Variants in CNTNAP3 observed in about 807,000 individuals in gnomAD.
CNTNAP3 encodes the protein contactin-associated protein-like 3.
In CNTNAP3, 36 loss-of-function variants were observed where a neutral mutation model predicts 92.1. The ratio of observed to expected loss-of-function variants is 0.39; its 90% CI spans 0.30 to 0.52. The LOEUF is 0.52. Ranked by LOEUF, CNTNAP3 falls within the 20% of genes least tolerant of loss-of-function variation. CNTNAP3 has a pLI of 0.76. For synonymous variants in CNTNAP3, 232 were observed against 422.3 expected (o/e 0.55, Z 5.53); for missense variants, 534 against 1,069.6 (o/e 0.50, Z 6.98).
intron 11 of CNTNAP3, among the ~76,000 whole-genome samples, chr9:39,141,013 C>T (rs1424375223): frequency 6.6e-6 from 1 of 152,112 alleles, no homozygotes; most frequent in Non-Finnish European, 1.5e-5. Context: ...AATCTTTTGG[C>T]AATGTCTAGA....
intron 13 of CNTNAP3, among the ~76,000 whole-genome samples, chr9:39,131,211 CTG>C (rs1255265260): frequency 6.6e-6 from 1 of 151,662 alleles, no homozygotes; most frequent in Non-Finnish European, 1.5e-5. Flanking sequence ...CTTTAAAAAA[CTG>C]GAGAACTGGG....
intron 12 of CNTNAP3, among the ~76,000 whole-genome samples, chr9:39,138,293 C>T (rs1273839313): frequency 6.6e-6 from 1 of 152,042 alleles, no homozygotes; most frequent in Non-Finnish European, 1.5e-5. Context: ...GTTCTATAGC[C>T]CTGTGATTAG....
chr9:39,104,515 C>T (rs1467269391), intron 15 of CNTNAP3, among the ~76,000 whole-genome samples: 1 of 149,508 alleles, frequency 6.7e-6, no homozygotes, highest in African/African-American at 2.5e-5. Flanking sequence ...CACACACACA[C>T]ACACACTGTC....
rs578120131 is a variant in CNTNAP3, at chr9:39,119,901, T to C, written c.2081-1642A>G. ...CAGAATCACTGAACTTGAGGACCCA[T>C]CAATAGGCTTTATCTAACCTGACCA... is the stretch of plus-strand genomic sequence containing the variant. On this transcript the variant is annotated intron_variant, in intron 13 of 23. Transcript: ENST00000297668. 2.2e-4 allele frequency among the ~76,000 whole-genome samples: 33 copies of C among 152,170 alleles called. 1 individual carries two copies. The South Asian group carries it at 6.9e-3, about 32-fold the overall frequency.
chr9:39,137,804 G>A (rs1323013186), intron 12 of CNTNAP3, among the ~76,000 whole-genome samples: 22 of 152,056 alleles, frequency 1.4e-4, no homozygotes, highest in Admixed American at 1.4e-3. Context: ...GTGAGCCACC[G>A]TCTGTTTTTA....
intron 11 of CNTNAP3, among the ~76,000 whole-genome samples, chr9:39,141,309 G>C (rs1284650939): frequency 6.6e-6 from 1 of 152,096 alleles, no homozygotes; most frequent in African/African-American, 2.4e-5. Context: ...ATTCTGTAAA[G>C]TTTTTCTTAA....
rs767731653 is a variant in CNTNAP3, at chr9:39,086,640, T to C, written c.3354+76A>G. On this transcript the variant is annotated intron_variant, in intron 20 of 23. Transcript: ENST00000297668. ...ATGGGTTGCTCTTCTATTAATATTA[T>C]CAAATTTTTTCATTAGATTATTTGT... is the stretch of plus-strand genomic sequence containing the variant. The C allele has an allele frequency of 4.2e-6, 6 of 1,413,134 alleles. 1 individual carries two copies. The Admixed American group carries it at 5.9e-5, about 14-fold the overall frequency. The allele number at this position is 1,413,134 out of a possible 1,614,324, so 87.5% of individuals were successfully genotyped here.
At chr9:39,103,348 G>A (rs1204802597) in intron 16 of CNTNAP3, among the ~76,000 whole-genome samples, 6 of 152,250 alleles carry the variant, frequency 3.9e-5, no homozygotes, top group Admixed American at 2.0e-4. Flanking sequence ...TTGGGAACCC[G>A]AGGCAGGCAG....
chr9:39,090,132 G>A (rs1826157212), intron 18 of CNTNAP3, among the ~76,000 whole-genome samples: 1 of 152,030 alleles, frequency 6.6e-6, no homozygotes, highest in African/African-American at 2.4e-5. Flanking sequence ...GTAGAGATGG[G>A]GTTTCACTGT....
chr9:39,179,340 CAG>C (rs1822407585), intron 4 of CNTNAP3, among the ~76,000 whole-genome samples: 1 of 109,186 alleles, frequency 9.2e-6, no homozygotes, highest in African/African-American at 4.7e-5. Flanking sequence ...CACACACACA[CAG>C]GCACACAGAC....
chr9:39,086,648 T>C lies in CNTNAP3; in HGVS notation c.3354+68A>G, dbSNP rs557261055. 1.1e-5 allele frequency: 16 copies of C among 1,494,070 alleles called. 1 individual carries two copies. In the African/African-American group the frequency reaches 1.9e-4, roughly 18 times the overall value. The allele number at this position is 1,494,070 out of a possible 1,614,324, so 92.6% of individuals were successfully genotyped here. On this transcript the variant is annotated intron_variant, in intron 20 of 23. Coordinates refer to ENST00000297668, the MANE Select transcript of CNTNAP3 (RefSeq NM_033655.5). ...CTCTTCTATTAATATTATCAAATTT[T>C]TTCATTAGATTATTTGTTCTTAAAA...
At chr9:39,093,568 T>G (rs1169219029) in intron 18 of CNTNAP3, among the ~76,000 whole-genome samples, 7 of 151,286 alleles carry the variant, frequency 4.6e-5, no homozygotes, top group Admixed American at 3.3e-4. Flanking sequence ...TGAATCTACT[T>G]TGTCTCTACA....
At chr9:39,140,405 T>C (rs532700881) in intron 12 of CNTNAP3, 114 bp downstream of exon 12, 69 of 1,436,766 alleles carry the variant, frequency 4.8e-5, no homozygotes, top group East Asian at 2.4e-5. Flanking sequence ...ATATATTTAA[T>C]GCTTCTACTT....
chr9:39,142,245 T>C (rs1225731618), intron 11 of CNTNAP3, among the ~76,000 whole-genome samples: 1 of 152,162 alleles, frequency 6.6e-6, no homozygotes, highest in Non-Finnish European at 1.5e-5. Flanking sequence ...AGATTAGGCT[T>C]CTGCTTTTAG....
chr9:39,146,649 A>G (rs1821708211), intron 10 of CNTNAP3, among the ~76,000 whole-genome samples: 1 of 152,184 alleles, frequency 6.6e-6, no homozygotes, highest in Admixed American at 6.5e-5. Flanking sequence ...AGATCGTGCC[A>G]CTGCACTCCA....
chr9:39,142,038 C>T (rs373862965), intron 11 of CNTNAP3, among the ~76,000 whole-genome samples: 2 of 152,068 alleles, frequency 1.3e-5, no homozygotes, highest in Non-Finnish European at 2.9e-5. Context: ...TACCTATAGC[C>T]GTCAACTATT....
At chr9:39,110,774 C>T (rs1280611835) in intron 14 of CNTNAP3, among the ~76,000 whole-genome samples, 1 of 152,058 alleles carries the variant, frequency 6.6e-6, no homozygotes. Context: ...TGCATATATG[C>T]ATATATAACA....
chr9:39,153,636 G>C (rs1334136820), intron 9 of CNTNAP3, among the ~76,000 whole-genome samples: 1 of 42,008 alleles, frequency 2.4e-5, no homozygotes, highest in Admixed American at 2.4e-4. Context: ...TCGGTTCACT[G>C]CAACCTTTGC....
intron 19 of CNTNAP3, among the ~76,000 whole-genome samples, chr9:39,087,292 T>C (rs1177537865): frequency 2.0e-5 from 3 of 152,290 alleles, no homozygotes; most frequent in Admixed American, 6.5e-5. Context: ...TGCATAAAGA[T>C]TTTTTTATAG....
Sources: gnomAD v4.1 joint callset for allele counts (sites outside exome capture counted in the v4.1 genomes callset) on GRCh38, gnomAD v4.1.1 for gene constraint, MANE v1.5 for transcripts, NCBI Gene and HGNC (gene_info 2026-07-23, HGNC 2026-07-21) for gene names.